MPDZ: variants seen among roughly 807,000 people sequenced by gnomAD.
The protein encoded by MPDZ is multiple PDZ domain crumbs cell polarity complex component.
MPDZ carries 234 observed loss-of-function variants against 239.1 expected under a neutral mutation model. That is an observed-to-expected ratio of 0.98 (90% CI 0.88 to 1.09). The LOEUF is 1.09. MPDZ is among the 50% of genes least tolerant of loss of function. MPDZ has a pLI of 0.00. For synonymous variants in MPDZ, 1,048 were observed against 881.3 expected, an observed-to-expected ratio of 1.19 and a Z score of -3.35; for missense variants, 3,175 against 2,510.0, an observed-to-expected ratio of 1.26 and a Z score of -5.66.
intron 8 of MPDZ, among the ~76,000 whole-genome samples, chr9:13,217,889 G>A (rs1399752309): frequency 6.6e-6 from 1 of 151,792 alleles, no homozygotes; most frequent in Admixed American, 6.6e-5. Flanking sequence ...GGGTTTCTCA[G>A]ATGCCACCTT....
chr9:13,172,380 G>GTT lies in MPDZ; in HGVS notation c.3055+3370_3055+3371dup, dbSNP rs1427561861. On this transcript the variant is annotated intron_variant, in intron 21 of 46. Coordinates refer to ENST00000319217, the MANE Select transcript of MPDZ (RefSeq NM_001378778.1). ...ATTTCACACTTAAATGTCTTACTTT[G>GTT]TTTTTTGTTTTTTTTTTTTGAGACG... Among the ~76,000 whole-genome samples the GTT allele has an allele frequency of 1.7e-3, 28 of 16,236 alleles. 1 individual carries two copies. In the Admixed American group the frequency reaches 0.022, roughly 13 times the overall value. The allele number at this position is 16,236 out of a possible 152,430, so 10.7% of individuals were successfully genotyped here. A position where few individuals can be genotyped will look rare whatever the true frequency, so the allele number is the denominator to read the frequency against.
chr9:13,259,147 T>C (rs987922452), intron 1 of MPDZ, among the ~76,000 whole-genome samples: 1 of 152,200 alleles, frequency 6.6e-6, no homozygotes, highest in African/African-American at 2.4e-5. Flanking sequence ...CATTTTAGCT[T>C]TCACGCTTCC....
Position 13,150,519 on chromosome 9 carries a change from T to C in MPDZ, c.3622A>G (p.Ile1208Val). Residue 1208 changes from isoleucine to valine, a missense_variant, in exon 25 of 47, where the codon ATC becomes GTC. By Grantham distance (29) the Ile-to-Val change is conservative. Transcript: ENST00000319217. ...KNGTLKPGDR[I>V]VEVDGMDLRD... ...AGCTCACTAGAGGGTACCTCTACGATTCTATCTCCAGGTTTCAAGGTTCCA... is the reference window on the plus strand; with the variant it reads ...AGCTCACTAGAGGGTACCTCTACGACTCTATCTCCAGGTTTCAAGGTTCCA... The C allele has an allele frequency of 6.4e-7, 1 of 1,561,512 alleles. No homozygotes were observed. The highest frequency in any genetic ancestry group is 8.7e-7 in the Non-Finnish European group (1 of 1,151,984).
chr9:13,171,138 A>C (rs1250784758), intron 21 of MPDZ, among the ~76,000 whole-genome samples: 2 of 152,186 alleles, frequency 1.3e-5, no homozygotes, highest in Non-Finnish European at 2.9e-5. Flanking sequence ...TTGTTTAAAG[A>C]ACTAAGTGAG....
chr9:13,172,352 G>C (rs1288565254), intron 21 of MPDZ, among the ~76,000 whole-genome samples: 1 of 150,946 alleles, frequency 6.6e-6, no homozygotes, highest in Non-Finnish European at 1.5e-5. Flanking sequence ...TAATGGTGCT[G>C]TGATTTCACA....
intron 3 of MPDZ, among the ~76,000 whole-genome samples, chr9:13,231,052 T>C (rs1040498982): frequency 1.3e-5 from 2 of 151,492 alleles, no homozygotes; most frequent in African/African-American, 4.9e-5. Context: ...ATAAAGAAAT[T>C]CAAAAAAGTC....
chr9:13,114,204 A>C (rs1349743141), intron 40 of MPDZ, among the ~76,000 whole-genome samples, 183 bp from the exon 41 acceptor site: 1 of 152,186 alleles, frequency 6.6e-6, no homozygotes, highest in Non-Finnish European at 1.5e-5. Context: ...GAATGTGTCT[A>C]GTGACATAAA....
intron 39 of MPDZ, among the ~76,000 whole-genome samples, chr9:13,117,808 A>G (rs1215790429): frequency 1.3e-5 from 2 of 151,502 alleles, no homozygotes; most frequent in East Asian, 3.9e-4. Context: ...AGTTATACAA[A>G]TATTTATGGT....
intron 1 of MPDZ, among the ~76,000 whole-genome samples, chr9:13,258,495 T>C (rs552542645): frequency 6.6e-6 from 1 of 152,356 alleles, no homozygotes; most frequent in East Asian, 1.9e-4. Flanking sequence ...GTACCTGAAG[T>C]AAGCAGACGA....
chr9:13,237,986 T>C (rs974067093), intron 3 of MPDZ, among the ~76,000 whole-genome samples: 1 of 152,128 alleles, frequency 6.6e-6, no homozygotes, highest in African/African-American at 2.4e-5. Flanking sequence ...GAGAGTGAAA[T>C]ACTTATTGAT....
intron 24 of MPDZ, among the ~76,000 whole-genome samples, chr9:13,151,082 A>T (rs1418734790): frequency 6.6e-6 from 1 of 152,056 alleles, no homozygotes; most frequent in Non-Finnish European, 1.5e-5. Context: ...TGGAAATACA[A>T]ATCAAAAGCA....
intron 3 of MPDZ, among the ~76,000 whole-genome samples, chr9:13,234,458 C>T (rs1043649514): frequency 6.6e-6 from 1 of 152,044 alleles, no homozygotes; most frequent in Non-Finnish European, 1.5e-5. Context: ...TAGGATCAAA[C>T]TTTATTTCAT....
rs1223289092 is a variant in MPDZ at position 13,138,005 on chromosome 9, T to C, written c.4152A>G (p.Gly1384=). 4 of 1,613,826 alleles carry C rather than the reference T, an allele frequency of 2.5e-6. No homozygotes were observed. The highest frequency in any genetic ancestry group is 3.4e-6 in the Non-Finnish European group (4 of 1,179,802). ...SVFIVGIDPN[G]AAGKDGRLQI... ...GCAATCGACCATCTTTTCCTGCAGC[T>C]CCATTTGGATCAATCCCCACTATGA... The change falls in exon 29 of 47, where the codon GGA becomes GGG. Residue 1384 remains glycine, a synonymous_variant. Coordinates refer to ENST00000319217, the MANE Select transcript of MPDZ (RefSeq NM_001378778.1).
rs376074711 is a variant in MPDZ at position 13,121,831 on chromosome 9, G to C, written c.5139C>G (p.Ala1713=). 2 of 1,613,630 alleles carry C rather than the reference G, an allele frequency of 1.2e-6. No homozygotes were observed. The highest frequency in any genetic ancestry group is 1.3e-5 in the African/African-American group (1 of 74,828). ...CACACACTTCCTCCTCTTTGTATGG[G>C]GCCTCATCTCTGTAGAGTGTCAGGC... is the stretch of plus-strand genomic sequence containing the variant. The part of the protein sequence containing the change: ...RVRLTLYRDE[A]PYKEEEVCDT... Residue 1713 remains alanine, a synonymous_variant, in exon 38 of 47, where the codon GCC becomes GCG. Transcript: ENST00000319217.
At chr9:13,238,806 A>C (rs1173947521) in intron 3 of MPDZ, among the ~76,000 whole-genome samples, 1 of 152,200 alleles carries the variant, frequency 6.6e-6, no homozygotes, top group Non-Finnish European at 1.5e-5. Context: ...CAAACATTGA[A>C]TGCAGAAGCC....
chr9:13,267,529 A>G (rs1294780812), intron 1 of MPDZ, among the ~76,000 whole-genome samples: 1 of 152,192 alleles, frequency 6.6e-6, no homozygotes, highest in East Asian at 1.9e-4. Flanking sequence ...TACTTTTTAC[A>G]CTACTCAGGA....
At chr9:13,140,685 G>C (rs1444254016) in intron 27 of MPDZ, among the ~76,000 whole-genome samples, 1 of 151,314 alleles carries the variant, frequency 6.6e-6, no homozygotes, top group Admixed American at 6.6e-5. Flanking sequence ...TTCCCTTCTA[G>C]AAAAAAATGT....
intron 10 of MPDZ, among the ~76,000 whole-genome samples, chr9:13,213,893 ACTG>A (rs1293976283): frequency 1.3e-5 from 2 of 152,068 alleles, no homozygotes; most frequent in South Asian, 2.1e-4. Context: ...TAATTATTAA[ACTG>A]CTATCAGATA....
intron 1 of MPDZ, chr9:13,278,987 G>C (rs2139667945): frequency 6.6e-6 from 1 of 151,304 alleles, no homozygotes; most frequent in South Asian, 2.1e-4. Flanking sequence ...CCGACACCAA[G>C]ACTGTGCCCC....
Sources: allele counts gnomAD v4.1 joint callset (sites outside exome capture counted in the v4.1 genomes callset), GRCh38; gene constraint gnomAD v4.1.1; transcripts MANE v1.5; gene names NCBI Gene and HGNC (gene_info 2026-07-23, HGNC 2026-07-21).